Variants in CACNG3 observed in about 807,000 individuals in gnomAD.
CACNG3 encodes voltage-dependent calcium channel gamma-3 subunit.
In CACNG3, 3 loss-of-function variants were observed where a neutral mutation model predicts 28.5. The observed-to-expected ratio is 0.11, with a 90% CI of 0.05 to 0.27. The LOEUF is 0.27. Among genes scored for constraint, CACNG3 ranks in the 10% least tolerant of loss-of-function variants. CACNG3 has a pLI of 1.00. For missense variants in CACNG3, 236 were observed against 414.4 expected (o/e 0.57, Z 3.74); for synonymous variants, 174 against 162.2 (o/e 1.07, Z -0.55).
rs559111376 is a variant in CACNG3, at chr16:24,279,491, G to A, written c.211+22526G>A. Among the ~76,000 whole-genome samples, 5 of 152,124 alleles carry A rather than the reference G, an allele frequency of 3.3e-5. No individual in the cohort carries two copies. In the East Asian group the frequency reaches 5.8e-4, roughly 18 times the overall value. On this transcript the variant is annotated intron_variant, in intron 1 of 3. Transcript: ENST00000005284. ...TTTATTATTATTATTATTTTGTAGA[G>A]AGAGTATCTCACTATGCTGCCTAGG... is the stretch of plus-strand genomic sequence containing the variant.
intron 1 of CACNG3, among the ~76,000 whole-genome samples, chr16:24,332,195 G>A (rs1014053770): frequency 2.0e-5 from 3 of 152,164 alleles, no homozygotes; most frequent in African/African-American, 7.2e-5. Flanking sequence ...GGGTGCAATG[G>A]CTCATGCCTA....
At chr16:24,343,203 C>A (rs1424687097) in intron 1 of CACNG3, among the ~76,000 whole-genome samples, 1 of 151,850 alleles carries the variant, frequency 6.6e-6, no homozygotes, top group African/African-American at 2.4e-5. Flanking sequence ...AACAAACAAA[C>A]AACAACAACA....
At chr16:24,301,239 A>T (rs981565966) in intron 1 of CACNG3, among the ~76,000 whole-genome samples, 3 of 151,374 alleles carry the variant, frequency 2.0e-5, no homozygotes, top group Admixed American at 6.6e-5. Context: ...GAGCTCAATT[A>T]TATGGGGATC....
At chr16:24,322,265 C>T (rs1174652722) in intron 1 of CACNG3, among the ~76,000 whole-genome samples, 4 of 152,072 alleles carry the variant, frequency 2.6e-5, no homozygotes, top group Admixed American at 2.0e-4. Context: ...GAAGGAGCAC[C>T]GTCTCCAGAT....
intron 1 of CACNG3, among the ~76,000 whole-genome samples, chr16:24,273,511 A>G (rs1200935896): frequency 1.3e-5 from 2 of 152,174 alleles, no homozygotes; most frequent in Non-Finnish European, 2.9e-5. Context: ...CTTTTTCATC[A>G]TCAAGATTCA....
chr16:24,341,028 G>T (rs1163760124), intron 1 of CACNG3, among the ~76,000 whole-genome samples: 2 of 152,106 alleles, frequency 1.3e-5, no homozygotes, highest in East Asian at 1.9e-4. Context: ...ATCTCTCTTG[G>T]TTCCATCTTC....
intron 1 of CACNG3, among the ~76,000 whole-genome samples, chr16:24,275,658 T>C (rs1898743796): frequency 6.6e-6 from 1 of 152,232 alleles, no homozygotes; most frequent in South Asian, 2.1e-4. Flanking sequence ...AGTGAGCCTG[T>C]CACTTCAAAG....
In CACNG3 at chr16:24,280,943, A is replaced by G. The variant is rs1314774670; in HGVS notation, c.211+23978A>G. Among the ~76,000 whole-genome samples the G allele has an allele frequency of 3.3e-5, 5 of 151,972 alleles. No homozygotes were observed. In the East Asian group the frequency reaches 5.8e-4, roughly 18 times the overall value. On this transcript the variant is annotated intron_variant, in intron 1 of 3. Transcript: ENST00000005284. ...ATAACCTAGAATTCATTCAGTTGGA[A>G]GTGACAGAAAACTAAATTCTAATTG... is the stretch of plus-strand genomic sequence containing the variant.
chr16:24,307,158 T>C (rs1899197056), intron 1 of CACNG3, among the ~76,000 whole-genome samples: 2 of 152,036 alleles, frequency 1.3e-5, no homozygotes, highest in Admixed American at 1.3e-4. Flanking sequence ...TTCTTTTGTT[T>C]TGAGACAGGC....
Position 24,361,062 on chromosome 16 carries a change from T to C in CACNG3, c.437-290T>C, listed in dbSNP as rs1234197569. Among the ~76,000 whole-genome samples the C allele has an allele frequency of 6.6e-6, 1 of 152,256 alleles. No homozygotes were observed. The highest frequency in any genetic ancestry group is 1.9e-4 in the East Asian group (1 of 5,204). ...TGCCAAAGATTAAGTGTTGATGAGA[T>C]GAATTGCTTCTAAGGGAAAAATAAG... On this transcript the variant is annotated intron_variant, in intron 3 of 3. Transcript: ENST00000005284. The surrounding 1 kb of genome is among the most constrained non-coding windows in gnomAD (Gnocchi z 6.8).
chr16:24,334,460 A>T (rs1005407664), intron 1 of CACNG3, among the ~76,000 whole-genome samples: 1 of 152,106 alleles, frequency 6.6e-6, no homozygotes, highest in African/African-American at 2.4e-5. Context: ...CAGCCACCAA[A>T]ATCTGCCCCA....
chr16:24,266,958 T>C (rs1185837089), intron 1 of CACNG3, among the ~76,000 whole-genome samples: 2 of 151,326 alleles, frequency 1.3e-5, no homozygotes, highest in Admixed American at 6.6e-5. Flanking sequence ...GAAATAATTA[T>C]TTTTAATTTC....
chr16:24,301,854 C>CTGTAAGA (rs1227971478), intron 1 of CACNG3, among the ~76,000 whole-genome samples: 1 of 152,164 alleles, frequency 6.6e-6, no homozygotes, highest in Non-Finnish European at 1.5e-5. Context: ...CAGTTTAAAA[C>CTGTAAGA]AACTGCCTAT....
intron 1 of CACNG3, among the ~76,000 whole-genome samples, chr16:24,318,876 C>T (rs1021456665): frequency 1.3e-5 from 2 of 152,284 alleles, no homozygotes; most frequent in East Asian, 3.9e-4. Flanking sequence ...TAGGAGGCTC[C>T]CTGGCTGCAG....
At chr16:24,312,156 G>A (rs1365213410) in intron 1 of CACNG3, among the ~76,000 whole-genome samples, 1 of 152,150 alleles carries the variant, frequency 6.6e-6, no homozygotes, top group East Asian at 1.9e-4. Context: ...ACAGTGTGCC[G>A]GTGGGGAAGC....
At chr16:24,260,126 G>C (rs868608145) in intron 1 of CACNG3, among the ~76,000 whole-genome samples, 3 of 152,206 alleles carry the variant, frequency 2.0e-5, no homozygotes, top group Non-Finnish European at 4.4e-5. Flanking sequence ...TCTCCTCCTT[G>C]AGTGACATGA....
chr16:24,301,101 C>A (rs1445118462), intron 1 of CACNG3, among the ~76,000 whole-genome samples: 1 of 149,344 alleles, frequency 6.7e-6, no homozygotes, highest in Non-Finnish European at 1.5e-5. Context: ...ATCCCAGCTA[C>A]TCGAGAGGCT....
intron 1 of CACNG3, among the ~76,000 whole-genome samples, chr16:24,337,287 A>C (rs1304798382): frequency 6.6e-6 from 1 of 152,166 alleles, no homozygotes; most frequent in Non-Finnish European, 1.5e-5. Flanking sequence ...GCTGAAGAAG[A>C]AGCAGCCGAT....
At chr16:24,337,161 G>A (rs1899723584) in intron 1 of CACNG3, among the ~76,000 whole-genome samples, 1 of 152,124 alleles carries the variant, frequency 6.6e-6, no homozygotes, top group Non-Finnish European at 1.5e-5. Context: ...TGAGCATTCA[G>A]TCCATTGCAC....
Sources: allele counts gnomAD v4.1 joint callset (sites outside exome capture counted in the v4.1 genomes callset), GRCh38; gene constraint gnomAD v4.1.1; non-coding constraint Gnocchi (gnomAD v3.1); transcripts MANE v1.5; gene names NCBI Gene and HGNC (gene_info 2026-07-23, HGNC 2026-07-21).